The following CIST1 variants were observed in gnomAD, a reference collection of about 807,000 sequenced individuals.
CIST1 encodes colon, intestine and stomach enriched 1, also known as uncharacterized LOC729966.
chr19:18,255,361 G>A, the CIST1 span: 1 of 398,704 alleles, frequency 2.5e-6, no homozygotes, highest in East Asian at 3.6e-5. The surrounding 1 kb of genome is among the most constrained non-coding windows in gnomAD (Gnocchi z 4.6). Flanking sequence ...GGCCAGGTGT[G>A]TGCCCAGGTG....
At chr19:18,250,988 C>T in the CIST1 span, among the ~76,000 whole-genome samples, 10 of 152,144 alleles carry the variant, frequency 6.6e-5, no homozygotes, top group Non-Finnish European at 1.3e-4. Context: ...GTTGCCCAGG[C>T]TGGTCTTGAA....
At chr19:18,250,017 T>G in the CIST1 span, 8 of 398,146 alleles carry the variant, frequency 2.0e-5, no homozygotes, top group Middle Eastern at 1.9e-3. Context: ...CCATAACTCG[T>G]GTTTTCACAC....
At chr19:18,251,056 G>C in the CIST1 span, among the ~76,000 whole-genome samples, 1 of 151,582 alleles carries the variant, frequency 6.6e-6, no homozygotes, top group Non-Finnish European at 1.5e-5. Context: ...GATTACAGGC[G>C]TGGGCCACTG....
At chr19:18,251,108 A>T in the CIST1 span, among the ~76,000 whole-genome samples, 1 of 146,958 alleles carries the variant, frequency 6.8e-6, no homozygotes, top group African/African-American at 2.5e-5. Flanking sequence ...CAATTACTTT[A>T]TTTATTTTTG....
chr19:18,253,298 G>C, the CIST1 span, among the ~76,000 whole-genome samples: 1 of 152,140 alleles, frequency 6.6e-6, no homozygotes, highest in Non-Finnish European at 1.5e-5. Context: ...CGGGAGGATT[G>C]CCTGACCCCA....
the CIST1 span, chr19:18,252,090 T>A: frequency 2.5e-6 from 1 of 398,730 alleles, no homozygotes; most frequent in Non-Finnish European, 4.4e-6. Context: ...CAAGGTCTGG[T>A]CAGTGGAGGT....
chr19:18,253,532 C>T, the CIST1 span, among the ~76,000 whole-genome samples: 1 of 136,856 alleles, frequency 7.3e-6, no homozygotes, highest in Non-Finnish European at 1.5e-5. Context: ...GCCTAGGCAA[C>T]AGAGTGAGAC....
chr19:18,255,113 G>C, the CIST1 span: 1 of 395,018 alleles, frequency 2.5e-6, no homozygotes, highest in Middle Eastern at 6.3e-4. The surrounding 1 kb of genome is among the most constrained non-coding windows in gnomAD (Gnocchi z 4.6). Flanking sequence ...TGGCGGACCA[G>C]CGTGGCCTGA....
the CIST1 span, among the ~76,000 whole-genome samples, chr19:18,253,887 G>A: frequency 1.3e-5 from 2 of 152,192 alleles, no homozygotes; most frequent in African/African-American, 4.8e-5. Context: ...GGGCCTCTTA[G>A]GCACTTACAA....
the CIST1 span, chr19:18,252,606 T>C: frequency 5.4e-6 from 2 of 367,740 alleles, no homozygotes; most frequent in African/African-American, 2.4e-5. Flanking sequence ...CTCTCTCTCT[T>C]TCTCTCTCTC....
chr19:18,253,563 A>AAACAC, the CIST1 span, among the ~76,000 whole-genome samples: 4 of 141,750 alleles, frequency 2.8e-5, no homozygotes, highest in Admixed American at 7.0e-5. Context: ...AAAAAAAAAA[A>AAACAC]ACACACACAC....
At chr19:18,250,413 A>G in the CIST1 span, 1 of 399,044 alleles carries the variant, frequency 2.5e-6, no homozygotes, top group South Asian at 1.3e-4. Flanking sequence ...ACCAGCAAAC[A>G]CACGACCACC....
the CIST1 span, among the ~76,000 whole-genome samples, chr19:18,254,425 A>G: frequency 6.6e-6 from 1 of 152,198 alleles, no homozygotes; most frequent in African/African-American, 2.4e-5. Flanking sequence ...CCAGAAGGTA[A>G]AAATAAAGAT....
At chr19:18,250,957 G>T in the CIST1 span, among the ~76,000 whole-genome samples, 1 of 152,032 alleles carries the variant, frequency 6.6e-6, no homozygotes, top group East Asian at 1.9e-4. Flanking sequence ...TACATATTTA[G>T]TAGAGATGGG....
the CIST1 span, chr19:18,250,419 C>T: frequency 2.4e-4 from 97 of 399,132 alleles, no homozygotes; most frequent in African/African-American, 1.9e-3. Context: ...AAACACACGA[C>T]CACCACCACA....
the CIST1 span, among the ~76,000 whole-genome samples, chr19:18,254,723 G>A: frequency 6.6e-6 from 1 of 152,128 alleles, no homozygotes; most frequent in Non-Finnish European, 1.5e-5. Context: ...GGCAGAAAAA[G>A]GGAATGCGAG....
the CIST1 span, among the ~76,000 whole-genome samples, chr19:18,254,537 G>T: frequency 6.6e-6 from 1 of 152,318 alleles, no homozygotes; most frequent in Non-Finnish European, 1.5e-5. Flanking sequence ...TCTGGGACAA[G>T]CTGGACTGAG....
At chr19:18,251,523 C>T in the CIST1 span, among the ~76,000 whole-genome samples, 9 of 151,960 alleles carry the variant, frequency 5.9e-5, no homozygotes, top group Admixed American at 2.6e-4. Context: ...CAACCTCTGC[C>T]GCCTGGGTTC....
the CIST1 span, chr19:18,250,023 C>G: frequency 2.5e-6 from 1 of 398,400 alleles, no homozygotes; most frequent in East Asian, 3.6e-5. Flanking sequence ...CTCGTGTTTT[C>G]ACACGAGGCC....
Sources: gnomAD v4.1 joint callset for allele counts (sites outside exome capture counted in the v4.1 genomes callset) on GRCh38, gnomAD v4.1.1 for gene constraint, Gnocchi (gnomAD v3.1) non-coding constraint, MANE v1.5 for transcripts, NCBI Gene and HGNC (gene_info 2026-07-23, HGNC 2026-07-21) for gene names.